Variants in TMEM182 observed in about 807,000 individuals in gnomAD.
TMEM182 encodes transmembrane protein 182.
In TMEM182, 20 loss-of-function variants were observed where a neutral mutation model predicts 26.8. That is an observed-to-expected ratio of 0.75 (90% confidence interval 0.53 to 1.09). TMEM182 has a LOEUF of 1.09. TMEM182 is among the 50% of genes least tolerant of loss of function. TMEM182 has a pLI of 0.00. For synonymous variants in TMEM182, 109 were observed against 102.2 expected (o/e 1.07, Z -0.40); for missense variants, 277 against 275.5 (o/e 1.01, Z -0.04).
intron 1 of TMEM182, among the ~76,000 whole-genome samples, chr2:102,738,486 T>C (rs1300920293): frequency 6.6e-6 from 1 of 151,954 alleles, no homozygotes; most frequent in Non-Finnish European, 1.5e-5. Context: ...TCCCAGCTAC[T>C]TGGGAGGCTG....
In TMEM182 at chr2:102,817,653, G is replaced by A. The variant is rs1682801189; in HGVS notation, c.*2685G>A. 1.0e-6 allele frequency: 1 copy of A among 979,680 alleles called. No individual in the cohort carries two copies. The highest frequency in any genetic ancestry group is 4.7e-5 in the South Asian group (1 of 21,146). 60.7% of individuals were successfully genotyped at this position (979,680 alleles called of 1,614,324 possible). A position where few individuals can be genotyped will look rare whatever the true frequency, so the allele number is the denominator to read the frequency against. On this transcript the variant is annotated 3_prime_UTR_variant, in exon 5 of 5. Transcript: ENST00000412401. The stretch of plus-strand genomic sequence containing the variant: ...ATTTATTAAATTTGAAGATTAAATG[G>A]AATTATAAAGGAATATATTGGAGGA...
At chr2:102,751,069 C>T (rs1414527310) in intron 1 of TMEM182, among the ~76,000 whole-genome samples, 1 of 152,088 alleles carries the variant, frequency 6.6e-6, no homozygotes, top group East Asian at 1.9e-4. Flanking sequence ...AGGTAGTACC[C>T]AAGGTTCATT....
At chr2:102,832,730 C>T (rs901536691) in intron 3 of TMEM182, among the ~76,000 whole-genome samples, 1 of 152,150 alleles carries the variant, frequency 6.6e-6, no homozygotes, top group Non-Finnish European at 1.5e-5. Flanking sequence ...CTAAATAGGA[C>T]AGTAATTGTT....
chr2:102,819,676 AAGTG>A (rs1682868462), downstream of TMEM182, among the ~76,000 whole-genome samples: 1 of 152,214 alleles, frequency 6.6e-6, no homozygotes, highest in Non-Finnish European at 1.5e-5. Flanking sequence ...TATGTATGTA[AAGTG>A]TATACATGAA....
At chr2:102,809,817 C>T (rs1305999300) in intron 4 of TMEM182, among the ~76,000 whole-genome samples, 2 of 152,062 alleles carry the variant, frequency 1.3e-5, no homozygotes, top group East Asian at 3.9e-4. Context: ...GCAGCCTTTA[C>T]GTAGAAAAAG....
intron 3 of TMEM182, among the ~76,000 whole-genome samples, chr2:102,838,275 G>T (rs1324909154): frequency 2.0e-5 from 3 of 152,184 alleles, no homozygotes; most frequent in Admixed American, 2.0e-4. Context: ...TGTGATTTTG[G>T]TTTCCCTAGC....
chr2:102,781,877 C>T lies in TMEM182; in HGVS notation c.332-15986C>T, dbSNP rs75302274. Among the ~76,000 whole-genome samples the T allele has an allele frequency of 1.9e-4, 29 of 152,284 alleles. No homozygotes were observed. In the East Asian group the frequency reaches 5.4e-3, roughly 28 times the overall value. ...AAGGTAAGCTTTAGTACTGCTTGGA[C>T]TCCAGTGCTGGGATGAGGAATTTGA... On this transcript the variant is annotated intron_variant, in intron 3 of 4. Coordinates refer to ENST00000412401, the MANE Select transcript of TMEM182 (RefSeq NM_144632.5).
intron 3 of TMEM182, among the ~76,000 whole-genome samples, chr2:102,788,928 A>G (rs1681519007): frequency 6.6e-6 from 1 of 152,174 alleles, no homozygotes; most frequent in African/African-American, 2.4e-5. Context: ...ATGCAGAGAT[A>G]CTGTACAGCC....
At chr2:102,762,463 T>G in intron 1 of TMEM182, 114 bp downstream of exon 1, 1 of 1,523,952 alleles carries the variant, frequency 6.6e-7, no homozygotes, top group Non-Finnish European at 8.9e-7. Context: ...GGAAGAGATA[T>G]GTAGAAAGCT....
chr2:102,836,571 G>C (rs1270519670), intron 3 of TMEM182, among the ~76,000 whole-genome samples: 4 of 152,178 alleles, frequency 2.6e-5, no homozygotes, highest in Non-Finnish European at 5.9e-5. Flanking sequence ...CCATTTTCCA[G>C]ATTAGTAAAG....
chr2:102,803,770 A>G lies in TMEM182; in HGVS notation c.469+5770A>G, dbSNP rs1352276516. On this transcript the variant is annotated intron_variant, in intron 4 of 4. Transcript: ENST00000412401. ...AGGAGGATGTGGCGGCTGTCAGAGC[A>G]GGAGAGTGTGTGGGGCAAGTCAAGA... Among the ~76,000 whole-genome samples the G allele has an allele frequency of 2.0e-5, 3 of 152,196 alleles. No homozygotes were observed. The East Asian group carries it at 5.8e-4, about 29-fold the overall frequency.
chr2:102,772,258 C>A (rs1680709467), intron 3 of TMEM182, among the ~76,000 whole-genome samples: 1 of 152,192 alleles, frequency 6.6e-6, no homozygotes, highest in African/African-American at 2.4e-5. Context: ...TTATTGAGTG[C>A]CTGCTGTATA....
chr2:102,798,257 G>T (rs560571956), intron 4 of TMEM182, among the ~76,000 whole-genome samples: 1 of 152,282 alleles, frequency 6.6e-6, no homozygotes, highest in South Asian at 2.1e-4. Context: ...TCTGCTCACT[G>T]TAAGGCCATT....
At chr2:102,749,942 C>T (rs55993769) in intron 1 of TMEM182, among the ~76,000 whole-genome samples, 21,458 of 151,738 alleles carry the variant, frequency 0.14, 1,769 homozygotes, top group East Asian at 0.19. Context: ...CTGGTGATTA[C>T]GTCTAGGTGG....
At chr2:102,825,097 G>A (rs1289200049) in intron 3 of TMEM182, among the ~76,000 whole-genome samples, 1 of 152,138 alleles carries the variant, frequency 6.6e-6, no homozygotes, top group Admixed American at 6.5e-5. Context: ...GAAATGATGA[G>A]CCTCAAAGGC....
chr2:102,814,669 G>T (rs1005601831), intron 4 of TMEM182, 79 bp from the exon 5 acceptor site: 18 of 1,285,218 alleles, frequency 1.4e-5, no homozygotes, highest in African/African-American at 4.5e-5. Context: ...CTTGTCATCC[G>T]GTCAATGATT....
chr2:102,741,816 A>C (rs1679553126), intron 1 of TMEM182, among the ~76,000 whole-genome samples: 1 of 152,184 alleles, frequency 6.6e-6, no homozygotes, highest in East Asian at 1.9e-4. Flanking sequence ...GAGGGGAGAA[A>C]ACACACAACA....
intron 3 of TMEM182, among the ~76,000 whole-genome samples, chr2:102,782,499 T>C (rs1681214238): frequency 6.6e-6 from 1 of 152,168 alleles, no homozygotes; most frequent in African/African-American, 2.4e-5. Context: ...GGCTCATATT[T>C]TATGCAATCA....
intron 3 of TMEM182, among the ~76,000 whole-genome samples, chr2:102,841,020 CA>C (rs1287391007): frequency 6.6e-6 from 1 of 151,782 alleles, no homozygotes; most frequent in Non-Finnish European, 1.5e-5. Context: ...CTTTTTTTTT[CA>C]GTGTTACTTT....
Sources: gnomAD v4.1 joint callset for allele counts (sites outside exome capture counted in the v4.1 genomes callset) on GRCh38, gnomAD v4.1.1 for gene constraint, MANE v1.5 for transcripts, NCBI Gene and HGNC (gene_info 2026-07-23, HGNC 2026-07-21) for gene names.